The following DIP2A variants were observed in gnomAD, a reference collection of about 807,000 sequenced individuals.
DIP2A encodes disco-interacting protein 2 homolog A.
DIP2A carries 85 observed loss-of-function variants against 177.4 expected under a neutral mutation model. The ratio of observed to expected loss-of-function variants is 0.48; its 90% CI spans 0.40 to 0.57. DIP2A has a LOEUF of 0.57. Ranked by LOEUF, DIP2A falls within the 20% of genes least tolerant of loss-of-function variation. The pLI, the probability that DIP2A is intolerant of heterozygous loss-of-function variation, is 0.00. For synonymous variants in DIP2A, 886 were observed against 881.8 expected, an observed-to-expected ratio of 1.00 and a Z score of -0.08; for missense variants, 1,791 against 2,100.2, an observed-to-expected ratio of 0.85 and a Z score of 2.88.
chr21:46,555,620 G>A (rs1601830093), intron 28 of DIP2A: 3 of 263,496 alleles, frequency 1.1e-5, no homozygotes, highest in Non-Finnish European at 2.2e-5. Context: ...AGCTATTCTT[G>A]CTGTGGTCGG....
chr21:46,463,884 A>G (rs546183970), intron 1 of DIP2A, among the ~76,000 whole-genome samples: 2 of 151,574 alleles, frequency 1.3e-5, no homozygotes, highest in Admixed American at 6.6e-5. Flanking sequence ...AGTTTTTTGT[A>G]TCTTTAGTAG....
chr21:46,501,935 T>G (rs1179094258), intron 5 of DIP2A, among the ~76,000 whole-genome samples: 8 of 152,230 alleles, frequency 5.3e-5, no homozygotes, highest in Non-Finnish European at 1.5e-5. Context: ...GTGAAAAATC[T>G]TAACGGTTTA....
chr21:46,506,096 G>A (rs566268874), intron 6 of DIP2A, among the ~76,000 whole-genome samples: 1 of 152,256 alleles, frequency 6.6e-6, no homozygotes, highest in South Asian at 2.1e-4. Context: ...GAAGTAGAAT[G>A]GCTGAATTAT....
rs938161399 is a variant in DIP2A, at chr21:46,569,402, A to T, written c.*1780A>T. On this transcript the variant is annotated 3_prime_UTR_variant, in exon 38 of 38. Coordinates refer to ENST00000417564, the MANE Select transcript of DIP2A (RefSeq NM_015151.4). ...CCTGTTGTAAGTATGTACAGAATCT[A>T]TGTAACTTATTGTTGACATACAGAG... 2 of 151,866 alleles carry T rather than the reference A, an allele frequency of 1.3e-5. No homozygotes were observed. Among genetic ancestry groups the T allele is most frequent in the African/African-American group, 4.8e-5 (2 of 41,356 alleles). The allele number at this position is 151,866 out of a possible 1,614,324, so 9.4% of individuals were successfully genotyped here.
At chr21:46,577,610 A>T in the DIP2A span, among the ~76,000 whole-genome samples, 3 of 148,750 alleles carry the variant, frequency 2.0e-5, no homozygotes, top group Non-Finnish European at 4.4e-5. Context: ...TCTTGGCTAT[A>T]TGGGCTTTTT....
At chr21:46,519,253 G>C in intron 8 of DIP2A, among the ~76,000 whole-genome samples, 1 of 152,136 alleles carries the variant, frequency 6.6e-6, no homozygotes, top group East Asian at 1.9e-4. Context: ...CACCACACAT[G>C]CTGTTTTATC....
chr21:46,464,181 G>T (rs1365426347), intron 1 of DIP2A, among the ~76,000 whole-genome samples: 2 of 151,576 alleles, frequency 1.3e-5, no homozygotes, highest in South Asian at 2.1e-4. Context: ...ATCACCTGAG[G>T]TTAGGAGTTC....
intron 1 of DIP2A, chr21:46,469,022 A>G (rs552142498): frequency 1.6e-4 from 24 of 152,204 alleles, no homozygotes; most frequent in African/African-American, 4.8e-4. Flanking sequence ...CTTCTCCCCA[A>G]CCTTCACAGA....
chr21:46,522,613 T>A (rs1279934032), intron 8 of DIP2A, among the ~76,000 whole-genome samples: 1 of 152,224 alleles, frequency 6.6e-6, no homozygotes, highest in East Asian at 1.9e-4. Flanking sequence ...CAGAGAGGTG[T>A]GTATTCCCCT....
chr21:46,557,883 C>T lies in DIP2A; in HGVS notation c.3798+130C>T. 8.6e-7 allele frequency: 1 copy of T among 1,161,996 alleles called. No individual in the cohort carries two copies. The highest frequency in any genetic ancestry group is 1.6e-5 in the South Asian group (1 of 63,874). The allele number at this position is 1,161,996 out of a possible 1,614,324, so 72.0% of individuals were successfully genotyped here. ...GGAGGAAGTAGAGAAAACCCTTTCCCACTAGGGGCCCTATGTACACATCTG... is the reference window on the plus strand; with the variant it reads ...GGAGGAAGTAGAGAAAACCCTTTCCTACTAGGGGCCCTATGTACACATCTG... On this transcript the variant is annotated intron_variant, in intron 31 of 37. Coordinates refer to ENST00000417564, the MANE Select transcript of DIP2A (RefSeq NM_015151.4). The surrounding 1 kb of genome is among the most constrained non-coding windows in gnomAD (Gnocchi z 6.0).
rs1954977411 is a variant in DIP2A at position 46,568,736 on chromosome 21, GATTT to G, written c.*1118_*1121del. The stretch of plus-strand genomic sequence containing the variant: ...TTAATTCTTCTCGTGGAAGTGTACT[GATTT>G]ATTATTTTTATTCCAAGTCAGCAGA... On this transcript the variant is annotated 3_prime_UTR_variant, in exon 38 of 38. Transcript: ENST00000417564. The G allele has an allele frequency of 6.6e-6, 1 of 152,166 alleles. No individual in the cohort carries two copies. The highest frequency in any genetic ancestry group is 2.4e-5 in the African/African-American group (1 of 41,434). The allele number at this position is 152,166 out of a possible 1,614,324, so 9.4% of individuals were successfully genotyped here.
Position 46,563,838 on chromosome 21 carries a change from C to A in DIP2A, c.4090-20C>A. ...GTGTCATGTTTTCTTTAACAAGGGA[C>A]ATAGCTCTCCTCCTTCCAGATCCTC... On this transcript the variant is annotated intron_variant, in intron 34 of 37. Coordinates refer to ENST00000417564, the MANE Select transcript of DIP2A (RefSeq NM_015151.4). This position sits in a 1 kb window ranked among gnomAD's most constrained non-coding sequence, Gnocchi z 4.3. 1 of 1,612,498 alleles carries A rather than the reference C, an allele frequency of 6.2e-7. No individual in the cohort carries two copies. Among genetic ancestry groups the A allele is most frequent in the Non-Finnish European group, 8.5e-7 (1 of 1,179,534 alleles).
At chr21:46,560,650 C>A in intron 32 of DIP2A, 72 bp from the exon 33 acceptor site, 1 of 1,544,638 alleles carries the variant, frequency 6.5e-7, no homozygotes, top group South Asian at 1.2e-5. Flanking sequence ...AGCTGCCATG[C>A]AGCTGTACCT....
intron 8 of DIP2A, among the ~76,000 whole-genome samples, chr21:46,528,725 G>A (rs907341243): frequency 6.6e-6 from 1 of 151,362 alleles, no homozygotes; most frequent in African/African-American, 2.4e-5. Flanking sequence ...ATGGGGTTTT[G>A]CCATGTTGGC....
Position 46,537,150 on chromosome 21 carries a change from G to C in DIP2A, c.1643-74G>C, listed in dbSNP as rs1167891230. 1.3e-6 allele frequency: 2 copies of C among 1,510,644 alleles called. No individual in the cohort carries two copies. Among genetic ancestry groups the C allele is most frequent in the Non-Finnish European group, 1.8e-6 (2 of 1,085,948 alleles). The allele number at this position is 1,510,644 out of a possible 1,614,324, so 93.6% of individuals were successfully genotyped here. On this transcript the variant is annotated intron_variant, in intron 13 of 37. Coordinates refer to ENST00000417564, the MANE Select transcript of DIP2A (RefSeq NM_015151.4). The surrounding 1 kb of genome is among the most constrained non-coding windows in gnomAD (Gnocchi z 4.1). ...ACATGTTGATGACGTACTCACCTCA[G>C]AATTTCTCTAGAAAATGCATAGGGC...
chr21:46,529,299 A>AT, intron 9 of DIP2A, 116 bp downstream of exon 9: 1 of 712,808 alleles, frequency 1.4e-6, no homozygotes, highest in South Asian at 1.8e-5. Context: ...AATACAAGGG[A>AT]TTTAAAATCA....
Position 46,557,044 on chromosome 21 carries a change from G to A in DIP2A, c.3604G>A (p.Gly1202Ser), listed in dbSNP as rs773128556. The A allele has an allele frequency of 7.5e-6, 12 of 1,607,104 alleles. No individual in the cohort carries two copies. The highest frequency in any genetic ancestry group is 1.0e-5 in the Non-Finnish European group (12 of 1,177,094). Residue 1202 changes from glycine (G) to serine (S), a missense_variant, in exon 30 of 38, where the codon GGT becomes AGT. Physicochemically the swap from Gly to Ser is moderately conservative, Grantham distance 56. Coordinates refer to ENST00000417564, the MANE Select transcript of DIP2A (RefSeq NM_015151.4). The surrounding 1 kb of genome is among the most constrained non-coding windows in gnomAD (Gnocchi z 6.0). ...CTGCCTCGACCCCTACTGTGGCCTTGGTTTTGCCCTGTGGTGTCTGTGCAG... is the reference window on the plus strand; with the variant it reads ...CTGCCTCGACCCCTACTGTGGCCTTAGTTTTGCCCTGTGGTGTCTGTGCAG... The part of the protein sequence containing the change: ...AICLDPYCGL[G>S]FALWCLCSVY...
At chr21:46,550,910 G>A (rs755856014) in intron 23 of DIP2A, among the ~76,000 whole-genome samples, 166 bp downstream of exon 23, 4 of 152,172 alleles carry the variant, frequency 2.6e-5, no homozygotes, top group Non-Finnish European at 4.4e-5. Flanking sequence ...GCCACCTCCC[G>A]CCTTCCTGGA....
intron 1 of DIP2A, among the ~76,000 whole-genome samples, chr21:46,480,437 T>C (rs2056266079): frequency 6.6e-6 from 1 of 152,126 alleles, no homozygotes; most frequent in Admixed American, 6.6e-5. Context: ...AAAGTGAGAT[T>C]TGAGTGGGGA....
Sources: allele counts gnomAD v4.1 joint callset (sites outside exome capture counted in the v4.1 genomes callset), GRCh38; gene constraint gnomAD v4.1.1; non-coding constraint Gnocchi (gnomAD v3.1); transcripts MANE v1.5; gene names NCBI Gene and HGNC (gene_info 2026-07-23, HGNC 2026-07-21).